The following REXO1 variants were observed in gnomAD, a reference collection of about 807,000 sequenced individuals.
REXO1 encodes RNA exonuclease 1 homolog, also known as REX1, RNA exonuclease 1 homolog.
REXO1 carries 42 observed loss-of-function variants against 102.6 expected under a neutral mutation model. The observed-to-expected ratio is 0.41, with a 90% CI of 0.32 to 0.53. REXO1 has a LOEUF of 0.53. Among genes scored for constraint, REXO1 ranks in the 20% least tolerant of loss-of-function variants. The probability of loss-of-function intolerance (pLI) is 0.27; values close to 1 mark genes in which losing one functional copy is unlikely to be tolerated. For missense variants in REXO1, 1,819 were observed against 1,732.5 expected, an observed-to-expected ratio of 1.05 and a Z score of -0.89; for synonymous variants, 908 against 779.1, an observed-to-expected ratio of 1.17 and a Z score of -2.76.
chr19:1,822,153 G>T, intron 4 of REXO1: 1 of 361,566 alleles, frequency 2.8e-6, no homozygotes, highest in South Asian at 9.4e-5. Flanking sequence ...GGCTGGCCAC[G>T]CGGGCAGCTG....
rs199583510 is a variant in REXO1 at position 1,846,532 on chromosome 19, G to C, written c.157+1670C>G. ...CAGACAGGAAGACGACATCACCAAAGGGACCCTCAAAAATAAGCCTTTGGG... is the reference window on the plus strand; with the variant it reads ...CAGACAGGAAGACGACATCACCAAACGGACCCTCAAAAATAAGCCTTTGGG... On this transcript the variant is annotated intron_variant, in intron 1 of 15. Transcript: ENST00000170168. 2.6e-5 allele frequency among the ~76,000 whole-genome samples: 4 copies of C among 152,194 alleles called. No homozygotes were observed. In the East Asian group the frequency reaches 7.7e-4, roughly 29 times the overall value.
chr19:1,821,728 TCAC>T (rs775061090), intron 4 of REXO1, 46 bp from the exon 5 acceptor site: 39 of 1,558,666 alleles, frequency 2.5e-5, no homozygotes, highest in African/African-American at 2.0e-4. Flanking sequence ...TGGCTGCCCA[TCAC>T]CACGTGGCGG....
At position 1,815,719 on chromosome 19, in the gene REXO1, G is replaced by A. The variant is rs910840907; in HGVS notation, c.*347C>T. ...GACAAGCCCGCCCCGCGACCCACGT[G>A]AGGAGCAGAGGTGCCGGCCACCACC... On this transcript the variant is annotated 3_prime_UTR_variant, in exon 16 of 16. Transcript: ENST00000170168. This position sits in a 1 kb window ranked among gnomAD's most constrained non-coding sequence, Gnocchi z 4.0. The A allele has an allele frequency of 5.3e-5, 74 of 1,383,496 alleles. No individual in the cohort carries two copies. The highest frequency in any genetic ancestry group is 8.9e-5 in the Admixed American group (3 of 33,606). 85.7% of individuals were successfully genotyped at this position (1,383,496 alleles called of 1,614,324 possible). A position where few individuals can be genotyped will look rare whatever the true frequency, so the allele number is the denominator to read the frequency against.
intron 1 of REXO1, among the ~76,000 whole-genome samples, chr19:1,842,265 C>T (rs576191930): frequency 3.3e-5 from 5 of 151,808 alleles, no homozygotes; most frequent in Admixed American, 3.3e-4. Flanking sequence ...AAACAGCAGG[C>T]GGGGCCGCCA....
chr19:1,848,481 C>T lies in REXO1; in HGVS notation c.-123G>A. ...GCCGCCGCCATCTTGCTCCGAGGCC[C>T]CCGGAGGCCCTCGGGACGCCGCCGC... On this transcript the variant is annotated 5_prime_UTR_variant, in exon 1 of 16. Transcript: ENST00000170168. 1 of 710,696 alleles carries T rather than the reference C, an allele frequency of 1.4e-6. No individual in the cohort carries two copies. Among genetic ancestry groups the T allele is most frequent in the Non-Finnish European group, 1.8e-6 (1 of 566,036 alleles). The allele number at this position is 710,696 out of a possible 1,614,324, so 44.0% of individuals were successfully genotyped here.
At chr19:1,824,009 C>A in intron 3 of REXO1, 1 of 393,278 alleles carries the variant, frequency 2.5e-6, no homozygotes, top group Admixed American at 4.4e-5. Context: ...TCCCGGTGCC[C>A]AGGCTATGTC....
At chr19:1,818,230 C>T (rs1302700552) in intron 10 of REXO1, among the ~76,000 whole-genome samples, 1 of 152,226 alleles carries the variant, frequency 6.6e-6, no homozygotes, top group Non-Finnish European at 1.5e-5. Context: ...GGCAGGGACA[C>T]AGGGCCTTTC....
intron 12 of REXO1, 119 bp downstream of exon 12, chr19:1,817,100 C>G: frequency 1.6e-6 from 2 of 1,252,736 alleles, no homozygotes; most frequent in Non-Finnish European, 2.2e-6. Context: ...ACCGGTGCTG[C>G]GAGAGAAACC....
At position 1,840,457 on chromosome 19, in the gene REXO1, C is replaced by G. The variant is rs372610784; in HGVS notation, c.157+7745G>C. On this transcript the variant is annotated intron_variant, in intron 1 of 15. Coordinates refer to ENST00000170168, the MANE Select transcript of REXO1 (RefSeq NM_020695.4). The stretch of plus-strand genomic sequence containing the variant: ...ATGAGACAGCATATCAACAGTGAGC[C>G]CCATCGGCGGCAAGCTCCCAAGCAG... 2.5e-3 allele frequency among the ~76,000 whole-genome samples: 375 copies of G among 152,242 alleles called. 2 individuals carry two copies. Among genetic ancestry groups the G allele is most frequent in the African/African-American group, 8.3e-3 (343 of 41,522 alleles).
Position 1,816,207 on chromosome 19 carries a change from G to A in REXO1, c.3577+18C>T, listed in dbSNP as rs1324706762. 1 of 1,574,498 alleles carries A rather than the reference G, an allele frequency of 6.4e-7. No individual in the cohort carries two copies. ...GCCCCTGCGCAGGGACGGCCCCAGG[G>A]CAGGCACCGGCACTCACCATTGTCC... On this transcript the variant is annotated intron_variant, in intron 15 of 15. Coordinates refer to ENST00000170168, the MANE Select transcript of REXO1 (RefSeq NM_020695.4).
Position 1,847,431 on chromosome 19 carries a change from G to A in REXO1, c.157+771C>T, listed in dbSNP as rs573074813. Among the ~76,000 whole-genome samples, 22 of 152,052 alleles carry A rather than the reference G, an allele frequency of 1.4e-4. No homozygotes were observed. In the South Asian group the frequency reaches 4.4e-3, roughly 30 times the overall value. ...GGTGAAGCAGAGAGCCACTATCAAGGGACAGAGGTAACAGGGGAGTCTGAA... is the reference window on the plus strand; with the variant it reads ...GGTGAAGCAGAGAGCCACTATCAAGAGACAGAGGTAACAGGGGAGTCTGAA... On this transcript the variant is annotated intron_variant, in intron 1 of 15. Coordinates refer to ENST00000170168, the MANE Select transcript of REXO1 (RefSeq NM_020695.4).
rs1422889719 is a variant in REXO1, at chr19:1,828,636, A to C, written c.158-5T>G. ...TGTAGGGGTCGTAACCCAGCCCTGA[A>C]GGGAACAGAGAGCACAGCTGTGACC... On this transcript the variant is annotated splice_polypyrimidine_tract_variant and splice_region_variant and intron_variant, in intron 1 of 15. Transcript: ENST00000170168. 1 of 1,594,658 alleles carries C rather than the reference A, an allele frequency of 6.3e-7. No individual in the cohort carries two copies. The highest frequency in any genetic ancestry group is 8.5e-7 in the Non-Finnish European group (1 of 1,176,668).
In REXO1 at chr19:1,848,391, C is replaced by T. The variant is rs2011660993; in HGVS notation, c.-33G>A. 8 of 1,186,138 alleles carry T rather than the reference C, an allele frequency of 6.7e-6. No homozygotes were observed. Among genetic ancestry groups the T allele is most frequent in the Non-Finnish European group, 8.4e-6 (8 of 953,562 alleles). The allele number at this position is 1,186,138 out of a possible 1,614,324, so 73.5% of individuals were successfully genotyped here. A position where few individuals can be genotyped will look rare whatever the true frequency, so the allele number is the denominator to read the frequency against. ...CCCGCGGCGGGGCCCCGGCCCGGAGCCGCCCGGGCCCCAGGGCCCCCTCAC... is the reference window on the plus strand; with the variant it reads ...CCCGCGGCGGGGCCCCGGCCCGGAGTCGCCCGGGCCCCAGGGCCCCCTCAC... On this transcript the variant is annotated 5_prime_UTR_variant, in exon 1 of 16. Transcript: ENST00000170168.
chr19:1,819,522 G>A (rs1222366477), intron 7 of REXO1, among the ~76,000 whole-genome samples: 3 of 152,218 alleles, frequency 2.0e-5, no homozygotes, highest in Non-Finnish European at 4.4e-5. Flanking sequence ...TAATGCAGGC[G>A]GGGACGGGGG....
At position 1,816,343 on chromosome 19, in the gene REXO1, G is replaced by A. The variant is rs1323468445; in HGVS notation, c.3459C>T (p.Val1153=). 6.3e-7 allele frequency: 1 copy of A among 1,591,532 alleles called. No individual in the cohort carries two copies. The change falls in exon 15 of 16, where the codon GTC becomes GTT. Residue 1153 remains valine (V), a splice_region_variant and synonymous_variant. Coordinates refer to ENST00000170168, the MANE Select transcript of REXO1 (RefSeq NM_020695.4). ...SLESDLLALK[V]IHSTVVDTSV... ...ACGTGTCCACCACGGTGCTGTGGATGACCTGTGGGCAGCGGCAGAGATCAG... is the reference window on the plus strand; with the variant it reads ...ACGTGTCCACCACGGTGCTGTGGATAACCTGTGGGCAGCGGCAGAGATCAG...
chr19:1,839,197 G>C (rs2011192107), intron 1 of REXO1, among the ~76,000 whole-genome samples: 1 of 151,406 alleles, frequency 6.6e-6, no homozygotes, highest in East Asian at 2.0e-4. Flanking sequence ...GGAAGTTGCA[G>C]TGAGCCAAGA....
At chr19:1,825,967 G>T in intron 2 of REXO1, 24 bp from the exon 3 acceptor site, 1 of 1,557,584 alleles carries the variant, frequency 6.4e-7, no homozygotes. Context: ...CCGTCCGTCA[G>T]CACAGGTCTG....
rs1011748359 is a variant in REXO1, at chr19:1,826,321, G to A, written c.1912-378C>T. On this transcript the variant is annotated intron_variant, in intron 2 of 15. Transcript: ENST00000170168. This position sits in a 1 kb window ranked among gnomAD's most constrained non-coding sequence, Gnocchi z 4.3. ...CCCTGGTGGCCAATTTGGGGACACG[G>A]GGCCAGGAGACCCAGGGGTCCAGGG... is the stretch of plus-strand genomic sequence containing the variant. 2.0e-5 allele frequency among the ~76,000 whole-genome samples: 3 copies of A among 152,142 alleles called. No individual in the cohort carries two copies. Among genetic ancestry groups the A allele is most frequent in the Non-Finnish European group, 4.4e-5 (3 of 67,988 alleles).
chr19:1,830,088 C>T (rs2069862887), intron 1 of REXO1, among the ~76,000 whole-genome samples: 16 of 152,226 alleles, frequency 1.1e-4, no homozygotes, highest in Admixed American at 9.8e-4. Flanking sequence ...CCACAGAAGC[C>T]TCCCGTGGGG....
Sources: gnomAD v4.1 joint callset for allele counts (sites outside exome capture counted in the v4.1 genomes callset) on GRCh38, gnomAD v4.1.1 for gene constraint, Gnocchi (gnomAD v3.1) non-coding constraint, MANE v1.5 for transcripts, NCBI Gene and HGNC (gene_info 2026-07-23, HGNC 2026-07-21) for gene names.